CAST: variants seen among roughly 807,000 people sequenced by gnomAD.
The protein encoded by CAST is calpastatin.
CAST carries 76 observed loss-of-function variants against 119.6 expected under a neutral mutation model. The observed-to-expected ratio is 0.64, with a 90% CI of 0.53 to 0.77. The LOEUF (loss-of-function observed/expected upper bound fraction) is 0.77, where lower values mean the gene tolerates loss of function less well. CAST is among the 30% of genes least tolerant of loss of function. The pLI is 0.00. For synonymous variants in CAST, 319 were observed against 331.6 expected (o/e 0.96, Z 0.41); for missense variants, 953 against 946.5 (o/e 1.01, Z -0.09).
chr5:96,663,223 G>T (rs562058659), intron 1 of CAST: 1 of 702,702 alleles, frequency 1.4e-6, no homozygotes, highest in East Asian at 2.7e-5. Flanking sequence ...TTGGAAGGGA[G>T]TGTGTTTGCT....
intron 12 of CAST, 30 bp from the exon 13 acceptor site, chr5:96,740,715 T>C (rs376601833): frequency 1.7e-4 from 260 of 1,561,248 alleles, no homozygotes; most frequent in Non-Finnish European, 2.2e-4. Flanking sequence ...TTCTACCTTC[T>C]CAACATCATC....
At chr5:96,329,167 A>G in the CAST span, among the ~76,000 whole-genome samples, 3 of 152,166 alleles carry the variant, frequency 2.0e-5, no homozygotes, top group Non-Finnish European at 4.4e-5. Flanking sequence ...GAGACCCTGG[A>G]TCCTCTCTGA....
the CAST span, among the ~76,000 whole-genome samples, chr5:96,000,140 A>G: frequency 2.6e-5 from 4 of 152,002 alleles, no homozygotes; most frequent in African/African-American, 9.7e-5. Flanking sequence ...ATTTTTTTGT[A>G]TAGTCTAGAT....
the CAST span, among the ~76,000 whole-genome samples, chr5:96,379,376 A>G: frequency 7.9e-5 from 12 of 152,200 alleles, no homozygotes; most frequent in Non-Finnish European, 1.3e-4. Flanking sequence ...TGAAACAAGT[A>G]TTTAGTGAAT....
At chr5:96,526,319 G>A (rs1203485812), upstream of CAST, among the ~76,000 whole-genome samples, 2 of 152,166 alleles carry the variant, frequency 1.3e-5, no homozygotes, top group Non-Finnish European at 1.5e-5. Flanking sequence ...GAGCAGGGAG[G>A]AAGGTGCAGA....
At chr5:96,243,884 A>G in the CAST span, among the ~76,000 whole-genome samples, 1 of 152,238 alleles carries the variant, frequency 6.6e-6, no homozygotes, top group Non-Finnish European at 1.5e-5. Context: ...GACTCAAGCC[A>G]TACCTATGAG....
At chr5:96,256,807 A>T in the CAST span, among the ~76,000 whole-genome samples, 35 of 152,232 alleles carry the variant, frequency 2.3e-4, no homozygotes, top group Non-Finnish European at 1.2e-4. Flanking sequence ...TTTTCCTGTT[A>T]TTATTTAATC....
At chr5:96,674,332 TATC>T (rs1750451248) in intron 1 of CAST, among the ~76,000 whole-genome samples, 1 of 150,670 alleles carries the variant, frequency 6.6e-6, no homozygotes, top group African/African-American at 2.4e-5. Flanking sequence ...CTATTATTAT[TATC>T]ATTCTTCTTA....
chr5:96,170,945 G>A, the CAST span, among the ~76,000 whole-genome samples: 1 of 152,126 alleles, frequency 6.6e-6, no homozygotes, highest in African/African-American at 2.4e-5. Context: ...ATTGGAACCT[G>A]GCTCGGCCTG....
chr5:96,123,310 G>A, the CAST span, among the ~76,000 whole-genome samples: 1 of 152,086 alleles, frequency 6.6e-6, no homozygotes, highest in African/African-American at 2.4e-5. Flanking sequence ...AAGTTTAAGT[G>A]ATCATTTTTC....
chr5:96,067,820 G>T, the CAST span, among the ~76,000 whole-genome samples: 1 of 152,026 alleles, frequency 6.6e-6, no homozygotes, highest in African/African-American at 2.4e-5. Flanking sequence ...TTTTGCACTG[G>T]GAGGGGAAAA....
chr5:96,579,920 G>A (rs941622515), intron 1 of CAST, among the ~76,000 whole-genome samples: 1 of 152,208 alleles, frequency 6.6e-6, no homozygotes, highest in Non-Finnish European at 1.5e-5. Context: ...CGCTGCCGTG[G>A]GGCAATAACA....
At chr5:96,490,871 T>C in the CAST span, among the ~76,000 whole-genome samples, 1 of 151,758 alleles carries the variant, frequency 6.6e-6, no homozygotes, top group Non-Finnish European at 1.5e-5. Flanking sequence ...ACCAGAAATT[T>C]TAAAAATAAA....
chr5:96,220,672 A>G, the CAST span, among the ~76,000 whole-genome samples: 2 of 152,214 alleles, frequency 1.3e-5, no homozygotes, highest in African/African-American at 4.8e-5. Flanking sequence ...GAGCTGTGCT[A>G]CTTAAAATAT....
At chr5:96,388,064 G>A in the CAST span, among the ~76,000 whole-genome samples, 1 of 152,216 alleles carries the variant, frequency 6.6e-6, no homozygotes, top group Non-Finnish European at 1.5e-5. Context: ...GCATATGGAT[G>A]TGGAGGAGAG....
upstream of CAST, among the ~76,000 whole-genome samples, chr5:96,661,312 G>A (rs1165970328): frequency 3.8e-5 from 5 of 132,928 alleles, no homozygotes; most frequent in African/African-American, 1.4e-4. Context: ...GTAGTCCCAA[G>A]TACTTAGGAG....
At chr5:96,184,888 G>C in the CAST span, among the ~76,000 whole-genome samples, 1 of 152,102 alleles carries the variant, frequency 6.6e-6, no homozygotes, top group Non-Finnish European at 1.5e-5. Context: ...TGATTGCTAG[G>C]TCAAATGGTA....
At chr5:96,264,211 A>C in the CAST span, among the ~76,000 whole-genome samples, 88 of 152,368 alleles carry the variant, frequency 5.8e-4, no homozygotes, top group Admixed American at 1.8e-3. Context: ...TAAACAAATT[A>C]GAGGGAGTCT....
chr5:96,220,773 A>T, the CAST span, among the ~76,000 whole-genome samples: 4 of 152,312 alleles, frequency 2.6e-5, no homozygotes, highest in Non-Finnish European at 5.9e-5. Flanking sequence ...CTATTTAGTG[A>T]GACTACCTGA....
Sources: allele counts gnomAD v4.1 joint callset (sites outside exome capture counted in the v4.1 genomes callset), GRCh38; gene constraint gnomAD v4.1.1; transcripts MANE v1.5; gene names NCBI Gene and HGNC (gene_info 2026-07-23, HGNC 2026-07-21).